The following RBP3 variants were observed in gnomAD, a reference collection of about 807,000 sequenced individuals.
RBP3 encodes the protein retinol binding protein 3, also known as retinol-binding protein 3.
A neutral mutation model predicts 64.8 loss-of-function variants in RBP3; 50 were observed. The ratio of observed to expected loss-of-function variants is 0.77; its 90% CI spans 0.61 to 0.98. The LOEUF (loss-of-function observed/expected upper bound fraction) is 0.98. RBP3 is among the 50% of genes least tolerant of loss of function. The probability of loss-of-function intolerance (pLI) is 0.00; values close to 1 mark genes in which losing one functional copy is unlikely to be tolerated. For synonymous variants in RBP3, 828 were observed against 730.2 expected (o/e 1.13, Z -2.16); for missense variants, 1,712 against 1,660.5 (o/e 1.03, Z -0.54).
In RBP3 at chr10:47,357,660, A is replaced by G. The variant is rs781812817; in HGVS notation, c.*203A>G. 1.4e-5 allele frequency: 7 copies of G among 517,858 alleles called. No individual in the cohort carries two copies. Among genetic ancestry groups the G allele is most frequent in the African/African-American group, 3.8e-5 (2 of 52,486 alleles). The allele number at this position is 517,858 out of a possible 1,614,324, so 32.1% of individuals were successfully genotyped here. ...TATATATGTGTATGTATATATATGT[A>G]TATATATATGGCTTTCCAATAACCA... On this transcript the variant is annotated 3_prime_UTR_variant, in exon 4 of 4. Coordinates refer to ENST00000584701, the MANE Select transcript of RBP3 (RefSeq NM_002900.3).
intron 1 of RBP3, among the ~76,000 whole-genome samples, chr10:47,352,376 G>C (rs1486497372): frequency 6.6e-6 from 1 of 152,242 alleles, no homozygotes; most frequent in Non-Finnish European, 1.5e-5. Context: ...CCTCTTCTTG[G>C]AGAAGGCCTG....
chr10:47,348,433 C>T lies in RBP3; in HGVS notation c.-52C>T. 5 of 1,583,638 alleles carry T rather than the reference C, an allele frequency of 3.2e-6. No individual in the cohort carries two copies. The highest frequency in any genetic ancestry group is 4.3e-6 in the Non-Finnish European group (5 of 1,170,368). On this transcript the variant is annotated 5_prime_UTR_variant, in exon 1 of 4. Coordinates refer to ENST00000584701, the MANE Select transcript of RBP3 (RefSeq NM_002900.3). ...TGCACAGAGCAGGGCCACGGCCTTG[C>T]ACACAGTCCAGGGAGCTTTTGTGCA...
chr10:47,355,625 G>A lies in RBP3; in HGVS notation c.3388+107G>A, dbSNP rs1454835435. On this transcript the variant is annotated intron_variant, in intron 3 of 3. Coordinates refer to ENST00000584701, the MANE Select transcript of RBP3 (RefSeq NM_002900.3). ...AAAGTCATAGTAACCAGAATGTAAG[G>A]CCCTGTCCTAGTCCAGGCACTAGAT... 6.4e-6 allele frequency: 9 copies of A among 1,407,512 alleles called. No homozygotes were observed. The African/African-American group carries it at 1.1e-4, about 18-fold the overall frequency. The allele number at this position is 1,407,512 out of a possible 1,614,324, so 87.2% of individuals were successfully genotyped here. A position where few individuals can be genotyped will look rare whatever the true frequency, so the allele number is the denominator to read the frequency against.
rs782128569 is a variant in RBP3, at chr10:47,350,242, A to C, written c.1758A>C (p.Glu586Asp). The change falls in exon 1 of 4, where the codon GAA (glutamate) becomes GAC (aspartate). Residue 586 changes from glutamate to aspartate, a missense_variant. By Grantham distance (45) the Glu-to-Asp change is conservative. Coordinates refer to ENST00000584701, the MANE Select transcript of RBP3 (RefSeq NM_002900.3). ...TRTVPLLDTP[E>D]GSLALTVPVL... ...CGGTGCCGCTGCTGGACACACCCGA[A>C]GGCAGCCTCGCGCTCACCGTGCCGG... The C allele has an allele frequency of 5.6e-6, 9 of 1,607,696 alleles. No individual in the cohort carries two copies. The highest frequency in any genetic ancestry group is 1.6e-4 in the Middle Eastern group (1 of 6,084).
chr10:47,350,279 A>G lies in RBP3; in HGVS notation c.1795A>G (p.Ile599Val), dbSNP rs144289912. 2,088 of 1,608,520 alleles carry G rather than the reference A, an allele frequency of 1.3e-3. 5 individuals are homozygous for G. The highest frequency in any genetic ancestry group is 2.0e-3 in the Middle Eastern group (12 of 6,062). ...GCTCACCGTGCCGGTCCTCACCTTC[A>G]TCGACAATCACGGCGAGGCCTGGCT... Reference protein sequence around the residue: ...LALTVPVLTFIDNHGEAWLGG... With the variant: ...LALTVPVLTFVDNHGEAWLGG... Residue 599 changes from isoleucine to valine, a missense_variant, in exon 1 of 4, where the codon ATC becomes GTC. Ile to Val is a conservative substitution (Grantham distance 29). Transcript: ENST00000584701.
At chr10:47,353,631 AGG>A (rs1388244881) in intron 2 of RBP3, 116 bp downstream of exon 2, 2 of 1,223,878 alleles carry the variant, frequency 1.6e-6, no homozygotes, top group Admixed American at 1.8e-5. Context: ...AGAGGACCTG[AGG>A]GGGGCCAGGC....
rs200980236 is a variant in RBP3, at chr10:47,350,178, T to C, written c.1694T>C (p.Val565Ala). 78 of 1,612,052 alleles carry C rather than the reference T, an allele frequency of 4.8e-5. No homozygotes were observed. In the Middle Eastern group the frequency reaches 6.6e-4, roughly 14 times the overall value. Residue 565 changes from valine (V) to alanine (A), a missense_variant, in exon 1 of 4, where the codon GTA becomes GCA. Coordinates refer to ENST00000584701, the MANE Select transcript of RBP3 (RefSeq NM_002900.3). ...CAGTCGCTGGGCTGGGCCACACTGG[T>C]AGGTGAGATCACCGCGGGCAACCTG... Reference protein sequence around the residue: ...LMQSLGWATLVGEITAGNLLH... With the variant: ...LMQSLGWATLAGEITAGNLLH...
Position 47,350,143 on chromosome 10 carries a change from C to T in RBP3, c.1659C>T (p.Ala553=). ...CCGCCACGGCCGCGGAGGAGTTCGC[C>T]TTCCTTATGCAGTCGCTGGGCTGGG... ...HRTATAAEEF[A]FLMQSLGWAT... The change falls in exon 1 of 4, where the codon GCC becomes GCT. Residue 553 remains alanine, a synonymous_variant. Coordinates refer to ENST00000584701, the MANE Select transcript of RBP3 (RefSeq NM_002900.3). 2 of 1,612,926 alleles carry T rather than the reference C, an allele frequency of 1.2e-6. No individual in the cohort carries two copies. Among genetic ancestry groups the T allele is most frequent in the South Asian group, 1.1e-5 (1 of 91,088 alleles).
chr10:47,355,841 C>A (rs1296494543), intron 3 of RBP3, among the ~76,000 whole-genome samples: 1 of 152,138 alleles, frequency 6.6e-6, no homozygotes, highest in Non-Finnish European at 1.5e-5. Flanking sequence ...CACCAGCCTG[C>A]AGGACAAATG....
In RBP3 at chr10:47,349,567, G is replaced by C. The variant is rs146487673; in HGVS notation, c.1083G>C (p.Thr361=). 2.1e-4 allele frequency: 346 copies of C among 1,612,872 alleles called. No homozygotes were observed. The highest frequency in any genetic ancestry group is 2.4e-4 in the Non-Finnish European group (282 of 1,180,012). ...LQHLASMDFS[T]VVSEEDLVTK... Reference sequence around the variant, plus strand: ...ACTTGGCCAGCATGGACTTCTCCACGGTGGTCTCCGAGGAAGATCTGGTCA... The same window carrying C: ...ACTTGGCCAGCATGGACTTCTCCACCGTGGTCTCCGAGGAAGATCTGGTCA... The change falls in exon 1 of 4, where the codon ACG becomes ACC. Residue 361 remains threonine, a synonymous_variant. Transcript: ENST00000584701.
chr10:47,357,098 C>A lies in RBP3; in HGVS notation c.3389-4C>A. 6.2e-7 allele frequency: 1 copy of A among 1,608,670 alleles called. No individual in the cohort carries two copies. On this transcript the variant is annotated splice_polypyrimidine_tract_variant and splice_region_variant and intron_variant, in intron 3 of 3. Transcript: ENST00000584701. ...CCCATCCTGAAGGGCCTTATGTCTT[C>A]CAGGTGAACGCTATGGCTCCAAGAA...
rs1332428778 is a variant in RBP3, at chr10:47,349,252, C to T, written c.768C>T (p.Gly256=). 1.2e-6 allele frequency: 2 copies of T among 1,613,172 alleles called. No individual in the cohort carries two copies. The highest frequency in any genetic ancestry group is 8.5e-7 in the Non-Finnish European group (1 of 1,179,996). ...LKQMRRAIVV[G]ERTGGGALDL... is the part of the protein sequence containing the mutation. ...AGATGCGCAGGGCCATCGTGGTGGGCGAGCGGACTGGGGGAGGGGCCCTGG... is the reference window on the plus strand; with the variant it reads ...AGATGCGCAGGGCCATCGTGGTGGGTGAGCGGACTGGGGGAGGGGCCCTGG... The change falls in exon 1 of 4, where the codon GGC becomes GGT. Residue 256 remains glycine, a synonymous_variant. Transcript: ENST00000584701.
Position 47,350,875 on chromosome 10 carries a change from C to T in RBP3, c.2391C>T (p.Cys797=), listed in dbSNP as rs1555211460. 1.2e-6 allele frequency: 2 copies of T among 1,612,554 alleles called. No homozygotes were observed. Among genetic ancestry groups the T allele is most frequent in the Non-Finnish European group, 8.5e-7 (1 of 1,179,924 alleles). The change falls in exon 1 of 4, where the codon TGC becomes TGT. Residue 797 remains cysteine, a synonymous_variant. Transcript: ENST00000584701. Reference sequence around the variant, plus strand: ...ACTCCACGGCCATCCCGCTGCTCTGCTCCTACTTCTTTGAGGCAGAGCCCC... The same window carrying T: ...ACTCCACGGCCATCCCGCTGCTCTGTTCCTACTTCTTTGAGGCAGAGCCCC... The part of the protein sequence containing the change: ...GSYSTAIPLL[C]SYFFEAEPRQ...
rs781815408 is a variant in RBP3 at position 47,350,990 on chromosome 10, T to C, written c.2506T>C (p.Ser836Pro). The C allele has an allele frequency of 6.2e-7, 1 of 1,611,592 alleles. No homozygotes were observed. Among genetic ancestry groups the C allele is most frequent in the South Asian group, 1.1e-5 (1 of 91,032 alleles). The change falls in exon 1 of 4, where the codon TCA (serine) becomes CCA (proline). Residue 836 changes from serine (S) to proline (P), a missense_variant. Ser to Pro is a moderately conservative substitution (Grantham distance 74). Coordinates refer to ENST00000584701, the MANE Select transcript of RBP3 (RefSeq NM_002900.3). ...LPQVAGQRYGSHKDLYILMSH... is the reference protein window; with the variant it reads ...LPQVAGQRYGPHKDLYILMSH... ...CCAGGTCGCCGGCCAGCGCTACGGC[T>C]CACACAAGGACCTCTACATCCTGAT...
In RBP3 at chr10:47,349,774, C is replaced by A; in HGVS notation, c.1290C>A (p.Phe430Leu). The change falls in exon 1 of 4, where the codon TTC becomes TTA. Residue 430 changes from phenylalanine (F) to leucine (L), a missense_variant. Physicochemically the swap from Phe to Leu is conservative, Grantham distance 22. Coordinates refer to ENST00000584701, the MANE Select transcript of RBP3 (RefSeq NM_002900.3). ...AIRQALVDSV[F>L]QVSVLPGNVG... ...GGCAAGCACTGGTGGACTCTGTGTT[C>A]CAGGTGTCGGTGCTGCCAGGCAATG... 4 of 1,613,176 alleles carry A rather than the reference C, an allele frequency of 2.5e-6. No homozygotes were observed. Among genetic ancestry groups the A allele is most frequent in the Non-Finnish European group, 3.4e-6 (4 of 1,180,028 alleles).
At position 47,356,927 on chromosome 10, in the gene RBP3, T is replaced by C. The variant is rs1051682678; in HGVS notation, c.3389-175T>C. Among the ~76,000 whole-genome samples the C allele has an allele frequency of 2.6e-5, 4 of 152,250 alleles. No individual in the cohort carries two copies. In the East Asian group the frequency reaches 7.7e-4, roughly 29 times the overall value. On this transcript the variant is annotated intron_variant, in intron 3 of 3. Transcript: ENST00000584701. ...ATTGGGCATGCATTCTTGTCCCCAT[T>C]TTACGGATGCAGAAATCAAGGCTCA...
At chr10:47,355,263 G>T in intron 2 of RBP3, 113 bp from the exon 3 acceptor site, 1 of 1,338,862 alleles carries the variant, frequency 7.5e-7, no homozygotes, top group South Asian at 1.3e-5. Flanking sequence ...ACTAGACTGA[G>T]GCTGCCAAGA....
At position 47,351,317 on chromosome 10, in the gene RBP3, G is replaced by A. The variant is rs782311896; in HGVS notation, c.2833G>A (p.Gly945Arg). The A allele has an allele frequency of 4.2e-5, 68 of 1,613,380 alleles. No individual in the cohort carries two copies. Among genetic ancestry groups the A allele is most frequent in the Non-Finnish European group, 5.3e-5 (62 of 1,180,042 alleles). Residue 945 changes from glycine (G) to arginine (R), a missense_variant, in exon 1 of 4, where the codon GGG becomes AGG. Gly to Arg is a moderately radical substitution (Grantham distance 125). Transcript: ENST00000584701. ...GGTGCCCACGGTGCTGCAGACGGCC[G>A]GGAAGCTGGTGGCTGATAACTATGC... ...AKVPTVLQTAGKLVADNYASA... is the reference protein window; with the variant it reads ...AKVPTVLQTARKLVADNYASA...
chr10:47,350,623 A>C lies in RBP3; in HGVS notation c.2139A>C (p.Ala713=), dbSNP rs2132254699. ...HSPGELVVEE[A]PPPPPAVPSP... is the part of the protein sequence containing the mutation. ...CTGGCGAGCTGGTGGTAGAGGAAGC[A>C]CCCCCACCACCCCCTGCTGTCCCCT... is the stretch of plus-strand genomic sequence containing the variant. Residue 713 remains alanine, a synonymous_variant, in exon 1 of 4, where the codon GCA becomes GCC. Transcript: ENST00000584701. The C allele has an allele frequency of 1.2e-6, 2 of 1,612,386 alleles. No homozygotes were observed. Among genetic ancestry groups the C allele is most frequent in the African/African-American group, 2.7e-5 (2 of 74,868 alleles).
Sources: allele counts gnomAD v4.1 joint callset (sites outside exome capture counted in the v4.1 genomes callset), GRCh38; gene constraint gnomAD v4.1.1; transcripts MANE v1.5; gene names NCBI Gene and HGNC (gene_info 2026-07-23, HGNC 2026-07-21).